IP6K2: variants seen among roughly 807,000 people sequenced by gnomAD.
IP6K2 encodes the protein inositol hexakisphosphate kinase 2.
In IP6K2, 9 loss-of-function variants were observed where a neutral mutation model predicts 43.3. The ratio of observed to expected loss-of-function variants is 0.21; its 90% CI spans 0.13 to 0.36. The LOEUF (loss-of-function observed/expected upper bound fraction) is 0.36, where lower values mean the gene tolerates loss of function less well. IP6K2 is among the 10% of genes least tolerant of loss of function. The pLI is 1.00. For missense variants in IP6K2, 332 were observed against 538.4 expected (o/e 0.62, Z 3.79); for synonymous variants, 209 against 202.4 (o/e 1.03, Z -0.28).
At chr3:48,699,809 G>A (rs1253828822) in intron 1 of IP6K2, 1 of 152,204 alleles carries the variant, frequency 6.6e-6, no homozygotes, top group Non-Finnish European at 1.5e-5. Flanking sequence ...GGAAAAGAGA[G>A]GCTTAGAGTA....
intron 1 of IP6K2, among the ~76,000 whole-genome samples, chr3:48,713,186 G>C (rs1267070165): frequency 6.6e-6 from 1 of 152,208 alleles, no homozygotes; most frequent in Non-Finnish European, 1.5e-5. Flanking sequence ...GGGGATGCGA[G>C]ATTTTTGCAA....
chr3:48,690,811 A>G (rs1457216569), intron 4 of IP6K2, among the ~76,000 whole-genome samples: 2 of 149,316 alleles, frequency 1.3e-5, no homozygotes, highest in Non-Finnish European at 2.9e-5. Flanking sequence ...AAAGAAAAAA[A>G]AGAGAGAGAG....
At position 48,695,251 on chromosome 3, in the gene IP6K2, G is replaced by C; in HGVS notation, c.41C>G (p.Ala14Gly). ...AFRAMDVEPRAKGVLLEPFVH... is the reference protein window; with the variant it reads ...AFRAMDVEPRGKGVLLEPFVH... The stretch of plus-strand genomic sequence containing the variant: ...AAAGGGCTCCAGAAGGACGCCTTTG[G>C]CGCGGGGCTCCACATCCATGGCCCT... Residue 14 changes from alanine to glycine, a missense_variant, in exon 2 of 6, where the codon GCC becomes GGC. Ala to Gly is a moderately conservative substitution (Grantham distance 60). Coordinates refer to ENST00000328631, the MANE Select transcript of IP6K2 (RefSeq NM_016291.4). The surrounding 1 kb of genome is among the most constrained non-coding windows in gnomAD (Gnocchi z 4.6). The C allele has an allele frequency of 6.3e-7, 1 of 1,582,530 alleles. No individual in the cohort carries two copies. The highest frequency in any genetic ancestry group is 8.6e-7 in the Non-Finnish European group (1 of 1,159,398).
intron 1 of IP6K2, among the ~76,000 whole-genome samples, chr3:48,697,872 T>G (rs2078578540): frequency 6.6e-6 from 1 of 152,102 alleles, no homozygotes; most frequent in Admixed American, 6.6e-5. Context: ...AGCAGCCTCT[T>G]TTAAAGAGTT....
chr3:48,715,762 G>T (rs2081123720), intron 1 of IP6K2, among the ~76,000 whole-genome samples: 1 of 146,290 alleles, frequency 6.8e-6, no homozygotes, highest in African/African-American at 2.5e-5. Context: ...TGTTGCCCAG[G>T]TTGATCTTGA....
Position 48,688,492 on chromosome 3 carries a change from G to T in IP6K2, c.1062C>A (p.Asp354Glu). The T allele has an allele frequency of 6.2e-7, 1 of 1,614,176 alleles. No homozygotes were observed. The highest frequency in any genetic ancestry group is 8.5e-7 in the Non-Finnish European group (1 of 1,180,030). Residue 354 changes from aspartate (D) to glutamate (E), a missense_variant, in exon 6 of 6, where the codon GAC becomes GAA. Transcript: ENST00000328631. This position sits in a 1 kb window ranked among gnomAD's most constrained non-coding sequence, Gnocchi z 5.1. The part of the protein sequence containing the change: ...VLDSDAEDLE[D>E]LSEESADESA... ...ACTCATCAGCTGATTCCTCTGACAG[G>T]TCCTCCAAATCCTCAGCATCTGAGT...
chr3:48,693,230 G>T, intron 2 of IP6K2, 51 bp from the exon 3 acceptor site: 2 of 1,442,998 alleles, frequency 1.4e-6, no homozygotes, highest in South Asian at 1.1e-5. Context: ...AGGAAGAAGC[G>T]TTGTAAGTAA....
intron 1 of IP6K2, chr3:48,715,323 G>A (rs1474967357): frequency 1.3e-6 from 2 of 1,535,982 alleles, no homozygotes; most frequent in Non-Finnish European, 1.7e-6. Context: ...ACCTCAGTAA[G>A]CTGGCCTCAG....
chr3:48,703,000 A>C (rs1381733768), intron 1 of IP6K2, among the ~76,000 whole-genome samples: 2 of 152,212 alleles, frequency 1.3e-5, no homozygotes, highest in Non-Finnish European at 2.9e-5. Flanking sequence ...CAATTATTAA[A>C]ATGTGGCCTG....
At chr3:48,691,265 C>T (rs2077757595) in intron 4 of IP6K2, 42 bp downstream of exon 4, 1 of 1,539,272 alleles carries the variant, frequency 6.5e-7, no homozygotes, top group Non-Finnish European at 8.9e-7. Flanking sequence ...ATTTCCTCTC[C>T]TCTTACCCTC....
At chr3:48,713,475 C>T (rs2080795302) in intron 1 of IP6K2, among the ~76,000 whole-genome samples, 2 of 152,216 alleles carry the variant, frequency 1.3e-5, no homozygotes, top group Admixed American at 6.5e-5. Flanking sequence ...GCCCAGGTTC[C>T]AACTGGGCAC....
intron 1 of IP6K2, among the ~76,000 whole-genome samples, chr3:48,708,724 C>A (rs1387461797): frequency 6.6e-6 from 1 of 152,096 alleles, no homozygotes; most frequent in African/African-American, 2.4e-5. Context: ...AGGTCTCAAT[C>A]TATGAGGGAT....
intron 1 of IP6K2, among the ~76,000 whole-genome samples, chr3:48,709,531 G>A (rs922902248): frequency 6.6e-6 from 1 of 152,144 alleles, no homozygotes; most frequent in South Asian, 2.1e-4. Flanking sequence ...ACGATTCTGA[G>A]AAAAGTCTTA....
intron 5 of IP6K2, among the ~76,000 whole-genome samples, chr3:48,689,201 G>A (rs964030337): frequency 2.0e-5 from 3 of 152,212 alleles, no homozygotes; most frequent in Non-Finnish European, 4.4e-5. Flanking sequence ...CGCCCAGGCT[G>A]GAGTGCAATG....
chr3:48,697,488 ATT>A (rs35746542), intron 1 of IP6K2, among the ~76,000 whole-genome samples: 4 of 64,322 alleles, frequency 6.2e-5, no homozygotes, highest in African/African-American at 2.6e-4. Context: ...ATGCCTGGCT[ATT>A]TTTTTTTTTT....
In IP6K2 at chr3:48,695,497, T is replaced by G; in HGVS notation, c.-130-76A>C. ...GCCTTAGAGCTGCTCACCCTGCTCCTTCAGCAGAAAGACAAAGACAAACAG... is the reference window on the plus strand; with the variant it reads ...GCCTTAGAGCTGCTCACCCTGCTCCGTCAGCAGAAAGACAAAGACAAACAG... On this transcript the variant is annotated intron_variant, in intron 1 of 5. Coordinates refer to ENST00000328631, the MANE Select transcript of IP6K2 (RefSeq NM_016291.4). The surrounding 1 kb of genome is among the most constrained non-coding windows in gnomAD (Gnocchi z 4.6). 1 of 1,294,892 alleles carries G rather than the reference T, an allele frequency of 7.7e-7. No homozygotes were observed. The highest frequency in any genetic ancestry group is 2.8e-5 in the East Asian group (1 of 35,940). The allele number at this position is 1,294,892 out of a possible 1,614,324, so 80.2% of individuals were successfully genotyped here. A position where few individuals can be genotyped will look rare whatever the true frequency, so the allele number is the denominator to read the frequency against.
chr3:48,705,880 A>T (rs1176039078), intron 1 of IP6K2, among the ~76,000 whole-genome samples: 8 of 135,506 alleles, frequency 5.9e-5, no homozygotes, highest in African/African-American at 1.9e-4. Flanking sequence ...AAAAAATAAA[A>T]AAATAAAAAA....
At chr3:48,697,724 G>A (rs2078555334) in intron 1 of IP6K2, among the ~76,000 whole-genome samples, 1 of 151,868 alleles carries the variant, frequency 6.6e-6, no homozygotes, top group Non-Finnish European at 1.5e-5. Flanking sequence ...TGTCGCCCAG[G>A]CTGGAGTGCA....
intron 1 of IP6K2, among the ~76,000 whole-genome samples, chr3:48,703,044 G>A (rs1217758915): frequency 1.3e-5 from 2 of 152,168 alleles, no homozygotes; most frequent in Non-Finnish European, 2.9e-5. Context: ...CCAAGCACTG[G>A]CTAATATTAG....
Sources: allele counts gnomAD v4.1 joint callset (sites outside exome capture counted in the v4.1 genomes callset), GRCh38; gene constraint gnomAD v4.1.1; non-coding constraint Gnocchi (gnomAD v3.1); transcripts MANE v1.5; gene names NCBI Gene and HGNC (gene_info 2026-07-23, HGNC 2026-07-21).